The following SYN3 variants were observed in gnomAD, a reference collection of about 807,000 sequenced individuals.
The protein encoded by SYN3 is synapsin-3.
A neutral mutation model predicts 65.8 loss-of-function variants in SYN3; 35 were observed. The observed-to-expected ratio is 0.53, with a 90% CI of 0.41 to 0.70. SYN3 has a LOEUF of 0.70. Among genes scored for constraint, SYN3 ranks in the 30% least tolerant of loss-of-function variants. SYN3 has a pLI of 0.00. For synonymous variants in SYN3, 270 were observed against 292.9 expected (o/e 0.92, Z 0.80); for missense variants, 680 against 749.0 (o/e 0.91, Z 1.08).
At chr22:32,625,457 G>A (rs1187739408) in intron 6 of SYN3, among the ~76,000 whole-genome samples, 1 of 152,166 alleles carries the variant, frequency 6.6e-6, no homozygotes, top group Non-Finnish European at 1.5e-5. Flanking sequence ...TGGCCTGAAG[G>A]CACCCAAGTT....
intron 1 of SYN3, among the ~76,000 whole-genome samples, chr22:33,052,594 A>C (rs1197610363): frequency 6.6e-6 from 1 of 152,080 alleles, no homozygotes; most frequent in Non-Finnish European, 1.5e-5. Context: ...AAAAAAAAAA[A>C]AAAGAGAGAG....
At chr22:32,611,801 CA>C (rs1329975937) in intron 6 of SYN3, among the ~76,000 whole-genome samples, 3 of 152,248 alleles carry the variant, frequency 2.0e-5, no homozygotes, top group Admixed American at 2.0e-4. Flanking sequence ...TCCTGAGTGA[CA>C]GGGGTGCTGG....
At chr22:32,679,251 C>A (rs2060490027) in intron 6 of SYN3, among the ~76,000 whole-genome samples, 2 of 152,084 alleles carry the variant, frequency 1.3e-5, no homozygotes, top group Admixed American at 6.5e-5. Context: ...CAGGGTTTCA[C>A]CATGTTGGCC....
chr22:32,769,956 G>A (rs1359692934), intron 6 of SYN3, among the ~76,000 whole-genome samples: 1 of 152,120 alleles, frequency 6.6e-6, no homozygotes, highest in Admixed American at 6.5e-5. Flanking sequence ...AGATTCAACT[G>A]CTTCTTTAAC....
intron 6 of SYN3, among the ~76,000 whole-genome samples, chr22:32,771,625 C>T (rs898943889): frequency 6.6e-6 from 1 of 152,238 alleles, no homozygotes; most frequent in Non-Finnish European, 1.5e-5. Flanking sequence ...ACAGGACACA[C>T]TGATGCCCAA....
At chr22:32,843,682 G>A (rs929102788) in intron 6 of SYN3, among the ~76,000 whole-genome samples, 1 of 152,108 alleles carries the variant, frequency 6.6e-6, no homozygotes, top group Non-Finnish European at 1.5e-5. Context: ...TTTCCTCCAA[G>A]TCTAGGCCGA....
At chr22:33,025,567 G>A (rs1393229183) in intron 1 of SYN3, among the ~76,000 whole-genome samples, 4 of 151,614 alleles carry the variant, frequency 2.6e-5, no homozygotes, top group Non-Finnish European at 4.4e-5. Context: ...CTGGGATGCC[G>A]AGGCTGCAGT....
At chr22:32,787,345 A>G (rs1011160437) in intron 6 of SYN3, among the ~76,000 whole-genome samples, 31 of 152,154 alleles carry the variant, frequency 2.0e-4, no homozygotes, top group African/African-American at 6.7e-4. Context: ...ACCGCACCCA[A>G]CCCTTTCTAC....
intron 6 of SYN3, among the ~76,000 whole-genome samples, chr22:32,775,065 C>A (rs750546114): frequency 4.6e-5 from 7 of 152,168 alleles, no homozygotes; most frequent in Non-Finnish European, 7.3e-5. Context: ...ATTTTATTTT[C>A]TCATAGTTCT....
At chr22:32,671,653 ACACACGCTGT>A (rs1386977067) in intron 6 of SYN3, among the ~76,000 whole-genome samples, 17 of 150,328 alleles carry the variant, frequency 1.1e-4, no homozygotes, top group African/African-American at 3.7e-4. Flanking sequence ...ACACAGATGC[ACACACGCTGT>A]CACACACGCT....
At chr22:32,628,828 C>G (rs149307297) in intron 6 of SYN3, among the ~76,000 whole-genome samples, 2 of 151,970 alleles carry the variant, frequency 1.3e-5, no homozygotes, top group African/African-American at 4.8e-5. Flanking sequence ...CTGTGCTGGC[C>G]GCTGGTCATG....
chr22:32,739,182 G>GGC (rs928564145), intron 6 of SYN3, among the ~76,000 whole-genome samples: 16 of 151,642 alleles, frequency 1.1e-4, no homozygotes, highest in Non-Finnish European at 2.1e-4. Context: ...ACAGGGGGGG[G>GGC]GCGGTTTCCC....
intron 1 of SYN3, among the ~76,000 whole-genome samples, chr22:33,033,364 G>A (rs779729936): frequency 9.2e-5 from 14 of 152,056 alleles, no homozygotes; most frequent in East Asian, 3.9e-4. Flanking sequence ...CCTTTGCACC[G>A]GCTGTTCCCC....
intron 6 of SYN3, among the ~76,000 whole-genome samples, chr22:32,722,270 C>A (rs901174210): frequency 3.9e-5 from 6 of 152,096 alleles, no homozygotes; most frequent in African/African-American, 1.4e-4. Context: ...CCTAAGTAGA[C>A]TAAATAAACA....
intron 4 of SYN3, among the ~76,000 whole-genome samples, chr22:32,889,572 C>T (rs532065817): frequency 1.4e-4 from 21 of 152,114 alleles, no homozygotes; most frequent in Non-Finnish European, 2.8e-4. Flanking sequence ...GTTTACACGT[C>T]AATGTGTTCC....
intron 7 of SYN3, among the ~76,000 whole-genome samples, chr22:32,585,691 G>A (rs948084079): frequency 1.3e-5 from 2 of 152,100 alleles, no homozygotes; most frequent in Non-Finnish European, 2.9e-5. Flanking sequence ...ATGACTTCAT[G>A]ATCTAGATGG....
At chr22:32,672,317 T>C (rs2147071043) in intron 6 of SYN3, among the ~76,000 whole-genome samples, 1 of 152,280 alleles carries the variant, frequency 6.6e-6, no homozygotes, top group African/African-American at 2.4e-5. Flanking sequence ...ACATAGACTA[T>C]CTGGCAAAAA....
At chr22:32,572,521 T>C (rs2146435829) in intron 7 of SYN3, among the ~76,000 whole-genome samples, 2 of 136,100 alleles carry the variant, frequency 1.5e-5, no homozygotes, top group Admixed American at 7.5e-5. Flanking sequence ...CCTTTCTCTT[T>C]CCTCCCTTCC....
chr22:32,894,992 G>A (rs530627464), intron 4 of SYN3, among the ~76,000 whole-genome samples: 2 of 152,280 alleles, frequency 1.3e-5, no homozygotes, highest in South Asian at 4.1e-4. Flanking sequence ...AAATATTGAA[G>A]CATCGTTAGC....
Sources: allele counts gnomAD v4.1 joint callset (sites outside exome capture counted in the v4.1 genomes callset), GRCh38; gene constraint gnomAD v4.1.1; transcripts MANE v1.5; gene names NCBI Gene and HGNC (gene_info 2026-07-23, HGNC 2026-07-21).